Variants in TRPM6 observed in about 807,000 individuals in gnomAD.
TRPM6 encodes transient receptor potential cation channel subfamily M member 6, also known as channel kinase 2.
TRPM6 carries 111 observed loss-of-function variants against 247.6 expected under a neutral mutation model. The observed-to-expected ratio is 0.45, with a 90% CI of 0.38 to 0.52. TRPM6 has a LOEUF of 0.52. TRPM6 is among the 20% of genes least tolerant of loss of function. The pLI, the probability that TRPM6 is intolerant of heterozygous loss-of-function variation, is 0.00. For missense variants in TRPM6, 2,126 were observed against 2,421.5 expected (o/e 0.88, Z 2.56); for synonymous variants, 892 against 853.8 (o/e 1.04, Z -0.78).
intron 5 of TRPM6, among the ~76,000 whole-genome samples, chr9:74,839,220 C>A (rs1246526255): frequency 6.6e-6 from 1 of 152,028 alleles, no homozygotes; most frequent in African/African-American, 2.4e-5. Flanking sequence ...ACTTCAGAAG[C>A]TCCTGACTAA....
intron 1 of TRPM6, among the ~76,000 whole-genome samples, chr9:74,862,771 C>T (rs1830728644): frequency 6.6e-6 from 1 of 152,098 alleles, no homozygotes; most frequent in South Asian, 2.1e-4. Context: ...CACTTGAGGT[C>T]AGGAGTTCGA....
chr9:74,816,829 A>G, intron 10 of TRPM6, 60 bp from the exon 11 acceptor site: 4 of 1,610,372 alleles, frequency 2.5e-6, no homozygotes, highest in Non-Finnish European at 2.5e-6. Flanking sequence ...CAAGAAGCAC[A>G]AAGTACTGTG....
chr9:74,851,137 G>C lies in TRPM6; in HGVS notation c.152+4390C>G, dbSNP rs181329897. On this transcript the variant is annotated intron_variant, in intron 3 of 38. Coordinates refer to ENST00000360774, the MANE Select transcript of TRPM6 (RefSeq NM_017662.5). ...TTCTAGTTCATTAAATTGTAGCAAG[G>C]TCCCATAGAAGAAACAGACCTCCAA... is the stretch of plus-strand genomic sequence containing the variant. Among the ~76,000 whole-genome samples, 3 of 151,908 alleles carry C rather than the reference G, an allele frequency of 2.0e-5. No individual in the cohort carries two copies. The East Asian group carries it at 5.8e-4, about 29-fold the overall frequency.
chr9:74,761,897 T>C (rs1228848491), intron 26 of TRPM6, 89 bp from the exon 27 acceptor site: 1 of 1,507,436 alleles, frequency 6.6e-7, no homozygotes, highest in African/African-American at 1.4e-5. Context: ...ATGGGGAGAA[T>C]GACAATGTGG....
Position 74,810,796 on chromosome 9 carries a change from G to T in TRPM6, c.1497+19C>A, listed in dbSNP as rs372011038. On this transcript the variant is annotated intron_variant, in intron 13 of 38. Transcript: ENST00000360774. Reference sequence around the variant, plus strand: ...AGGCAATACACAAAGACATGTTCACGCCTTCTTAATTAGGTTACCTGTTTC... The same window carrying T: ...AGGCAATACACAAAGACATGTTCACTCCTTCTTAATTAGGTTACCTGTTTC... The T allele has an allele frequency of 4.0e-5, 64 of 1,610,770 alleles. No homozygotes were observed. In the African/African-American group the frequency reaches 7.6e-4, roughly 19 times the overall value.
At chr9:74,872,587 C>T (rs1381770858) in intron 1 of TRPM6, among the ~76,000 whole-genome samples, 7 of 137,712 alleles carry the variant, frequency 5.1e-5, no homozygotes, top group East Asian at 2.1e-4. Context: ...CACACCACCG[C>T]GCCCAGCAAA....
chr9:74,840,928 G>A (rs1260773727), intron 4 of TRPM6, among the ~76,000 whole-genome samples: 1 of 151,742 alleles, frequency 6.6e-6, no homozygotes, highest in African/African-American at 2.4e-5. Flanking sequence ...CTTTTCATCA[G>A]AAGCTATAAC....
intron 3 of TRPM6, among the ~76,000 whole-genome samples, chr9:74,852,457 C>T (rs1830358684): frequency 1.4e-5 from 1 of 71,222 alleles, no homozygotes; most frequent in Admixed American, 1.7e-4. Context: ...CCTCCTCCCT[C>T]TCCCTCTCCC....
In TRPM6 at chr9:74,855,552, ATACTGGAG is replaced by A; in HGVS notation, c.119_126del (p.Thr40MetfsTer34). ...CTGATTAAATTCTGGCAGACTTGGC[ATACTGGAG>A]TACATCTAAATTAAAGAAATAAAAC... On this transcript the variant is annotated frameshift_variant, in exon 3 of 39. Coordinates refer to ENST00000360774, the MANE Select transcript of TRPM6 (RefSeq NM_017662.5). LOFTEE classifies it high-confidence loss of function. The A allele has an allele frequency of 1.2e-6, 2 of 1,607,458 alleles. No individual in the cohort carries two copies. Among genetic ancestry groups the A allele is most frequent in the African/African-American group, 2.7e-5 (2 of 74,918 alleles).
Position 74,739,716 on chromosome 9 carries a change from G to T in TRPM6, c.5487+7C>A, listed in dbSNP as rs772640679. 6.2e-7 allele frequency: 1 copy of T among 1,610,592 alleles called. No homozygotes were observed. The highest frequency in any genetic ancestry group is 8.5e-7 in the Non-Finnish European group (1 of 1,179,966). The stretch of plus-strand genomic sequence containing the variant: ...CTGGGCTATGGGTCTCTGAGTTTCA[G>T]ACTTACCCTGAGGCAAAGATGAAGC... On this transcript the variant is annotated splice_region_variant and intron_variant, in intron 34 of 38. Coordinates refer to ENST00000360774, the MANE Select transcript of TRPM6 (RefSeq NM_017662.5).
chr9:74,828,347 G>A (rs980593182), intron 6 of TRPM6, among the ~76,000 whole-genome samples: 1 of 151,634 alleles, frequency 6.6e-6, no homozygotes, highest in African/African-American at 2.4e-5. Flanking sequence ...ACGAGACTCC[G>A]TCTCAAAAAG....
At chr9:74,775,737 G>T in intron 24 of TRPM6, 146 bp downstream of exon 24, 1 of 840,102 alleles carries the variant, frequency 1.2e-6, no homozygotes, top group Non-Finnish European at 2.0e-6. Context: ...TATTTACTCA[G>T]ACCCAGAGCA....
intron 23 of TRPM6, among the ~76,000 whole-genome samples, chr9:74,777,864 G>T (rs142864285): frequency 6.8e-4 from 103 of 152,228 alleles, no homozygotes; most frequent in African/African-American, 2.0e-3. Context: ...CTCTGCAGTC[G>T]TGCATTTAGT....
In TRPM6 at chr9:74,772,270, C is replaced by A. The variant is rs143181186; in HGVS notation, c.3404-435G>T. On this transcript the variant is annotated intron_variant, in intron 24 of 38. Coordinates refer to ENST00000360774, the MANE Select transcript of TRPM6 (RefSeq NM_017662.5). ...TCCAGCATGGGCTAAAAAGCGAGAC[C>A]CTGTCTCAAAAAAGGAAAAGAAAAG... Among the ~76,000 whole-genome samples, 24 of 152,178 alleles carry A rather than the reference C, an allele frequency of 1.6e-4. No homozygotes were observed. In the East Asian group the frequency reaches 4.4e-3, roughly 28 times the overall value.
intron 1 of TRPM6, among the ~76,000 whole-genome samples, chr9:74,865,718 A>G (rs1342238075): frequency 6.6e-6 from 1 of 152,250 alleles, no homozygotes; most frequent in East Asian, 1.9e-4. Context: ...AATAAACTAC[A>G]TGACCTAAAA....
chr9:74,821,026 C>T (rs899067192), intron 8 of TRPM6, among the ~76,000 whole-genome samples: 3 of 152,252 alleles, frequency 2.0e-5, no homozygotes, highest in Non-Finnish European at 4.4e-5. Context: ...TAAGCAAAGG[C>T]ACTCCAGAGA....
At chr9:74,877,781 C>T (rs769676941) in intron 1 of TRPM6, among the ~76,000 whole-genome samples, 18 of 152,186 alleles carry the variant, frequency 1.2e-4, no homozygotes, top group Non-Finnish European at 1.5e-4. Flanking sequence ...TGCCTGTTTA[C>T]AGCTTCTGCC....
chr9:74,744,403 A>T (rs1018238391), intron 31 of TRPM6, among the ~76,000 whole-genome samples: 17 of 152,224 alleles, frequency 1.1e-4, no homozygotes, highest in African/African-American at 3.9e-4. Context: ...TCAAAGATGT[A>T]TTTCCTCTGA....
intron 7 of TRPM6, among the ~76,000 whole-genome samples, chr9:74,825,816 A>G (rs1170781944): frequency 6.6e-6 from 1 of 152,160 alleles, no homozygotes; most frequent in Non-Finnish European, 1.5e-5. Context: ...AGGACATTTC[A>G]GGTAATATTT....
Sources: allele counts gnomAD v4.1 joint callset (sites outside exome capture counted in the v4.1 genomes callset), GRCh38; gene constraint gnomAD v4.1.1; transcripts MANE v1.5; gene names NCBI Gene and HGNC (gene_info 2026-07-23, HGNC 2026-07-21).